The following SPIRE1 variants were observed in gnomAD, a reference collection of about 807,000 sequenced individuals.
SPIRE1 encodes spire type actin nucleation factor 1.
A neutral mutation model predicts 94.1 loss-of-function variants in SPIRE1; 40 were observed. The ratio of observed to expected loss-of-function variants is 0.43; its 90% CI spans 0.33 to 0.55. SPIRE1 has a LOEUF of 0.55. Among genes scored for constraint, SPIRE1 ranks in the 20% least tolerant of loss-of-function variants. The pLI is 0.06. For missense variants in SPIRE1, 838 were observed against 975.2 expected (o/e 0.86, Z 1.87); for synonymous variants, 376 against 371.7 (o/e 1.01, Z -0.13).
chr18:12,575,018 G>A (rs2036056955), intron 2 of SPIRE1, among the ~76,000 whole-genome samples: 1 of 152,212 alleles, frequency 6.6e-6, no homozygotes, highest in Non-Finnish European at 1.5e-5. Context: ...TGTGTACACA[G>A]CAGTCTCAGA....
chr18:12,560,907 T>C (rs779073935), intron 2 of SPIRE1, among the ~76,000 whole-genome samples: 1 of 152,164 alleles, frequency 6.6e-6, no homozygotes, highest in Non-Finnish European at 1.5e-5. Flanking sequence ...ATAAGACTAA[T>C]ATTTGCTAGC....
At chr18:12,501,670 T>C (rs528212979) in intron 6 of SPIRE1, among the ~76,000 whole-genome samples, 5 of 152,234 alleles carry the variant, frequency 3.3e-5, no homozygotes, top group South Asian at 2.1e-4. Flanking sequence ...GCATGAGCCA[T>C]GGCGCCTGGC....
intron 2 of SPIRE1, among the ~76,000 whole-genome samples, chr18:12,631,914 A>G (rs1261859402): frequency 6.6e-6 from 1 of 152,052 alleles, no homozygotes; most frequent in African/African-American, 2.4e-5. Flanking sequence ...GTGTGGTGAC[A>G]TGCACCTGTA....
At chr18:12,589,890 C>T (rs916621763) in intron 2 of SPIRE1, among the ~76,000 whole-genome samples, 2 of 152,206 alleles carry the variant, frequency 1.3e-5, no homozygotes, top group African/African-American at 4.8e-5. Context: ...ATGATATCCA[C>T]TGTCTGTTCA....
intron 10 of SPIRE1, among the ~76,000 whole-genome samples, chr18:12,471,197 A>G (rs1310835563): frequency 1.3e-5 from 2 of 151,918 alleles, no homozygotes; most frequent in African/African-American, 4.8e-5. Flanking sequence ...GGAACTGAAG[A>G]AAAGAGTAAT....
At position 12,559,538 on chromosome 18, in the gene SPIRE1, G is replaced by T. The variant is rs2035625089; in HGVS notation, c.373-12634C>A. Among the ~76,000 whole-genome samples the T allele has an allele frequency of 6.6e-6, 1 of 152,228 alleles. No individual in the cohort carries two copies. On this transcript the variant is annotated intron_variant, in intron 2 of 16. Transcript: ENST00000409402. This position sits in a 1 kb window ranked among gnomAD's most constrained non-coding sequence, Gnocchi z 4.7. Reference sequence around the variant, plus strand: ...GCCAGCCCAGAGAGGGGCTCCCACGGTGCAGCAGCAGGCTGAAGGGCTCCT... The same window carrying T: ...GCCAGCCCAGAGAGGGGCTCCCACGTTGCAGCAGCAGGCTGAAGGGCTCCT...
chr18:12,626,886 A>ATATATATATATATAT (rs55915333), intron 2 of SPIRE1, among the ~76,000 whole-genome samples: 8 of 111,898 alleles, frequency 7.1e-5, no homozygotes, highest in East Asian at 2.6e-4. Context: ...ATATATATAT[A>ATATATATATATATAT]TTTTTTTTTT....
intron 6 of SPIRE1, among the ~76,000 whole-genome samples, chr18:12,498,617 C>T (rs2033547199): frequency 6.6e-6 from 1 of 152,034 alleles, no homozygotes; most frequent in Non-Finnish European, 1.5e-5. Flanking sequence ...TGTACTCAAT[C>T]TTGTTTCTGA....
chr18:12,491,748 G>A (rs1256664148), intron 8 of SPIRE1, among the ~76,000 whole-genome samples: 1 of 152,198 alleles, frequency 6.6e-6, no homozygotes, highest in African/African-American at 2.4e-5. Context: ...CAACAGAAGG[G>A]TCAGGATTAA....
chr18:12,467,179 G>A (rs1376312960), intron 10 of SPIRE1, among the ~76,000 whole-genome samples: 2 of 152,240 alleles, frequency 1.3e-5, no homozygotes, highest in Non-Finnish European at 2.9e-5. Flanking sequence ...TTGGGAGGCT[G>A]AGGCATGAGA....
chr18:12,453,433 A>ATTTTTT (rs34797411), intron 13 of SPIRE1, among the ~76,000 whole-genome samples: 1 of 144,514 alleles, frequency 6.9e-6, no homozygotes. Flanking sequence ...TCTCAGATAC[A>ATTTTTT]TTTTTTTTTT....
chr18:12,570,825 C>G (rs2035943518), intron 2 of SPIRE1, among the ~76,000 whole-genome samples: 1 of 152,116 alleles, frequency 6.6e-6, no homozygotes, highest in African/African-American at 2.4e-5. Context: ...AGATAACACA[C>G]CAAATGAGGA....
At chr18:12,536,099 CACTA>C (rs2034833441) in intron 3 of SPIRE1, among the ~76,000 whole-genome samples, 1 of 152,074 alleles carries the variant, frequency 6.6e-6, no homozygotes, top group South Asian at 2.1e-4. Flanking sequence ...AAAAGTGGTC[CACTA>C]ACTAACAGAG....
intron 6 of SPIRE1, among the ~76,000 whole-genome samples, chr18:12,501,069 T>A: frequency 1.3e-5 from 1 of 75,670 alleles, no homozygotes; most frequent in East Asian, 3.9e-4. Flanking sequence ...TGAAACTCTG[T>A]CTCAAAAAAA....
chr18:12,658,074 A>G lies in SPIRE1; in HGVS notation c.-208T>C. The stretch of plus-strand genomic sequence containing the variant: ...AGGACACGGCTGCAGTCCCGGTCAG[A>G]CAGCCGCCGGCCGGTAGCGACGCGA... On this transcript the variant is annotated 5_prime_UTR_variant, in exon 1 of 17. Coordinates refer to ENST00000409402, the MANE Select transcript of SPIRE1 (RefSeq NM_001128626.2). 1 of 992,072 alleles carries G rather than the reference A, an allele frequency of 1.0e-6. No homozygotes were observed. The highest frequency in any genetic ancestry group is 1.2e-6 in the Non-Finnish European group (1 of 835,694). 61.5% of individuals were successfully genotyped at this position (992,072 alleles called of 1,614,324 possible). A position where few individuals can be genotyped will look rare whatever the true frequency, so the allele number is the denominator to read the frequency against.
chr18:12,549,739 G>A (rs34178879), intron 2 of SPIRE1, among the ~76,000 whole-genome samples: 65,196 of 151,546 alleles, frequency 0.43, 15,297 homozygotes, highest in East Asian at 0.6. Context: ...GTGAGCTACC[G>A]TGCCCAATCA....
chr18:12,491,220 C>A (rs929487550), intron 8 of SPIRE1, among the ~76,000 whole-genome samples: 1 of 135,846 alleles, frequency 7.4e-6, no homozygotes, highest in Non-Finnish European at 1.5e-5. Flanking sequence ...GTGAATACTA[C>A]CCAAAGCTAT....
intron 2 of SPIRE1, among the ~76,000 whole-genome samples, chr18:12,575,905 T>C (rs1419507066): frequency 6.6e-6 from 1 of 152,172 alleles, no homozygotes; most frequent in African/African-American, 2.4e-5. Flanking sequence ...ACAAACTGAT[T>C]TTAAAATGTA....
At chr18:12,496,141 A>G (rs989498015) in intron 6 of SPIRE1, 39 bp from the exon 7 acceptor site, 5 of 1,399,902 alleles carry the variant, frequency 3.6e-6, no homozygotes, top group Admixed American at 1.7e-5. Context: ...ATGTGACTAT[A>G]TAAGACTATC....
Sources: allele counts gnomAD v4.1 joint callset (sites outside exome capture counted in the v4.1 genomes callset), GRCh38; gene constraint gnomAD v4.1.1; non-coding constraint Gnocchi (gnomAD v3.1); transcripts MANE v1.5; gene names NCBI Gene and HGNC (gene_info 2026-07-23, HGNC 2026-07-21).